Variants in DNAH17 observed in about 807,000 individuals in gnomAD.
DNAH17 encodes axonemal beta dynein heavy chain 17.
A neutral mutation model predicts 485.6 loss-of-function variants in DNAH17; 376 were observed. The ratio of observed to expected loss-of-function variants is 0.77; its 90% CI spans 0.71 to 0.84. The LOEUF (loss-of-function observed/expected upper bound fraction) is 0.84, where lower values mean the gene tolerates loss of function less well. Among genes scored for constraint, DNAH17 ranks in the 40% least tolerant of loss-of-function variants. DNAH17 has a pLI of 0.00. For missense variants in DNAH17, 6,370 were observed against 5,839.3 expected (o/e 1.09, Z -2.96); for synonymous variants, 3,031 against 2,405.9 (o/e 1.26, Z -7.60).
At chr17:78,524,013 G>A (rs895717303) in intron 25 of DNAH17, among the ~76,000 whole-genome samples, 1 of 152,226 alleles carries the variant, frequency 6.6e-6, no homozygotes, top group African/African-American at 2.4e-5. Flanking sequence ...TTGAGCCTCT[G>A]ATGGTCTGAA....
intron 11 of DNAH17, among the ~76,000 whole-genome samples, chr17:78,566,329 A>AGTT (rs2092265111): frequency 6.6e-6 from 1 of 152,214 alleles, no homozygotes; most frequent in East Asian, 1.9e-4. Context: ...TGAATCAAGA[A>AGTT]TAAATGGTCC....
intron 16 of DNAH17, among the ~76,000 whole-genome samples, chr17:78,545,888 C>T (rs1454169747): frequency 6.6e-6 from 1 of 151,844 alleles, no homozygotes. Flanking sequence ...ATTTTTGCCT[C>T]TAGTTGTTCT....
At chr17:78,451,949 T>C (rs932930614) in intron 65 of DNAH17, among the ~76,000 whole-genome samples, 1 of 152,034 alleles carries the variant, frequency 6.6e-6, no homozygotes, top group African/African-American at 2.4e-5. Flanking sequence ...TGTCCTCCCC[T>C]GGGAGCCCTG....
chr17:78,501,029 C>T, intron 35 of DNAH17, 155 bp downstream of exon 35: 1 of 835,026 alleles, frequency 1.2e-6, no homozygotes, highest in Non-Finnish European at 1.7e-6. Context: ...AGAACAAGGA[C>T]ACAGTGGTAG....
intron 52 of DNAH17, 93 bp downstream of exon 52, chr17:78,476,479 T>G (rs2089030253): frequency 1.4e-6 from 2 of 1,420,420 alleles, no homozygotes; most frequent in African/African-American, 1.4e-5. Context: ...CAAAGGGCCC[T>G]TCTGAGAGGG....
intron 77 of DNAH17, among the ~76,000 whole-genome samples, chr17:78,427,574 AAAG>A (rs1283817757): frequency 6.6e-6 from 1 of 152,200 alleles, no homozygotes; most frequent in Non-Finnish European, 1.5e-5. Flanking sequence ...AGACTAAGAG[AAAG>A]TCCTGGACCT....
intron 9 of DNAH17, among the ~76,000 whole-genome samples, chr17:78,567,859 G>T (rs1479214833): frequency 6.6e-6 from 1 of 152,148 alleles, no homozygotes; most frequent in Non-Finnish European, 1.5e-5. Flanking sequence ...TTTCCCAAAT[G>T]AGGTCTCCAA....
At chr17:78,477,633 T>TC (rs2089094917) in intron 51 of DNAH17, among the ~76,000 whole-genome samples, 1 of 152,140 alleles carries the variant, frequency 6.6e-6, no homozygotes, top group African/African-American at 2.4e-5. Context: ...CGCCTTGGCC[T>TC]CCCAAAGTGC....
chr17:78,500,115 G>T (rs978527843), intron 36 of DNAH17, 190 bp downstream of exon 36: 12 of 611,264 alleles, frequency 2.0e-5, no homozygotes, highest in Non-Finnish European at 3.0e-5. Context: ...GTCCACCCTG[G>T]AAGTCTTTCC....
At chr17:78,461,053 G>A (rs1313458579) in intron 58 of DNAH17, among the ~76,000 whole-genome samples, 1 of 151,876 alleles carries the variant, frequency 6.6e-6, no homozygotes, top group Non-Finnish European at 1.5e-5. Context: ...CTAAGCCGTG[G>A]TTCTCAACCT....
chr17:78,566,669 G>A lies in DNAH17; in HGVS notation c.1514C>T (p.Ala505Val). The A allele has an allele frequency of 6.2e-7, 1 of 1,611,242 alleles. No homozygotes were observed. The highest frequency in any genetic ancestry group is 1.7e-5 in the Admixed American group (1 of 59,636). Reference sequence around the variant, plus strand: ...ATCAAATCCTTGGCAAAAGATCGTGGCCAGCCTCCTATCCAGGTCTTGGAT... The same window carrying A: ...ATCAAATCCTTGGCAAAAGATCGTGACCAGCCTCCTATCCAGGTCTTGGAT... ...IKIQDLDRRL[A>V]TIFCQGFDDC... Residue 505 changes from alanine to valine, a missense_variant, in exon 11 of 81, where the codon GCC becomes GTC. Ala to Val is a moderately conservative substitution (Grantham distance 64). Coordinates refer to ENST00000389840, the MANE Select transcript of DNAH17 (RefSeq NM_173628.4).
intron 49 of DNAH17, 58 bp downstream of exon 49, chr17:78,480,626 C>T: frequency 6.9e-7 from 1 of 1,459,528 alleles, no homozygotes; most frequent in South Asian, 1.2e-5. Flanking sequence ...CTCTCATTTG[C>T]CAGAAGCAAG....
In DNAH17 at chr17:78,510,553, T is replaced by C. The variant is rs774320770; in HGVS notation, c.4114-47A>G. Reference sequence around the variant, plus strand: ...AGGATTCATTTCAGGTCATGTGCACTCTGCAGTGGGCAGACGTCATGATCC... The same window carrying C: ...AGGATTCATTTCAGGTCATGTGCACCCTGCAGTGGGCAGACGTCATGATCC... On this transcript the variant is annotated intron_variant, in intron 26 of 80. Coordinates refer to ENST00000389840, the MANE Select transcript of DNAH17 (RefSeq NM_173628.4). The C allele has an allele frequency of 6.2e-6, 10 of 1,606,140 alleles. No homozygotes were observed. The South Asian group carries it at 1.1e-4, about 18-fold the overall frequency.
chr17:78,437,670 A>C lies in DNAH17; in HGVS notation c.12004T>G (p.Leu4002Val). The change falls in exon 74 of 81, where the codon TTG becomes GTG. Residue 4002 changes from leucine (L) to valine (V), a missense_variant. By Grantham distance (32) the Leu-to-Val change is conservative. Transcript: ENST00000389840. ...NEPPTGMHAN[L>V]HKALDLFTQD... ...GTGAACAGGTCCAGGGCCTTGTGCA[A>C]GTTGGCGTGCATGCCCGTGGGGGGC... 1 of 1,610,874 alleles carries C rather than the reference A, an allele frequency of 6.2e-7. No individual in the cohort carries two copies. The highest frequency in any genetic ancestry group is 8.5e-7 in the Non-Finnish European group (1 of 1,178,896).
At chr17:78,545,517 G>A (rs1170934442) in intron 16 of DNAH17, among the ~76,000 whole-genome samples, 1 of 152,088 alleles carries the variant, frequency 6.6e-6, no homozygotes, top group Non-Finnish European at 1.5e-5. Flanking sequence ...CATGGCGGAG[G>A]GGCAGAGTGA....
At chr17:78,576,882 G>A (rs564458269) in intron 1 of DNAH17, among the ~76,000 whole-genome samples, 3 of 152,316 alleles carry the variant, frequency 2.0e-5, no homozygotes, top group African/African-American at 7.2e-5. Context: ...CCACCCAGCC[G>A]TTTCCTGGGC....
In DNAH17 at chr17:78,450,393, A is replaced by AC. The variant is rs2087495498; in HGVS notation, c.10900dup (p.Val3634GlyfsTer10). ...AACTTCTGTGATTTTTGCCTCCACCACCTCGACACAAACAAAAGGGGTGTG... is the reference window on the plus strand; with the variant it reads ...AACTTCTGTGATTTTTGCCTCCACCACCCTCGACACAAACAAAAGGGGTGTG... On this transcript the variant is annotated frameshift_variant and splice_region_variant, in exon 68 of 81. Transcript: ENST00000389840. LOFTEE classifies it high-confidence loss of function. The AC allele has an allele frequency of 1.2e-6, 2 of 1,613,508 alleles. No individual in the cohort carries two copies. The highest frequency in any genetic ancestry group is 1.7e-6 in the Non-Finnish European group (2 of 1,179,812).
chr17:78,545,225 T>C (rs1332476599), intron 16 of DNAH17, among the ~76,000 whole-genome samples: 2 of 152,356 alleles, frequency 1.3e-5, no homozygotes, highest in East Asian at 3.9e-4. Context: ...TGTGTGAACA[T>C]AAACGATATG....
At chr17:78,563,517 A>T (rs76345208) in intron 11 of DNAH17, among the ~76,000 whole-genome samples, 1 of 152,124 alleles carries the variant, frequency 6.6e-6, no homozygotes, top group Non-Finnish European at 1.5e-5. Context: ...CATCATCCAG[A>T]CAACCGACAC....
Sources: gnomAD v4.1 joint callset for allele counts (sites outside exome capture counted in the v4.1 genomes callset) on GRCh38, gnomAD v4.1.1 for gene constraint, MANE v1.5 for transcripts, NCBI Gene and HGNC (gene_info 2026-07-23, HGNC 2026-07-21) for gene names.